The following CACHD1 variants were observed in gnomAD, a reference collection of about 807,000 sequenced individuals.
CACHD1 encodes the protein cache domain containing 1.
CACHD1 carries 71 observed loss-of-function variants against 138.7 expected under a neutral mutation model. The observed-to-expected ratio is 0.51, with a 90% CI of 0.42 to 0.62. The LOEUF (loss-of-function observed/expected upper bound fraction) is 0.62. Ranked by LOEUF, CACHD1 falls within the 20% of genes least tolerant of loss-of-function variation. The pLI is 0.00. For missense variants in CACHD1, 1,389 were observed against 1,625.3 expected, an observed-to-expected ratio of 0.85 and a Z score of 2.50; for synonymous variants, 578 against 591.5, an observed-to-expected ratio of 0.98 and a Z score of 0.33.
intron 2 of CACHD1, chr1:64,563,662 G>A (rs1370090): frequency 0.84 from 128,533 of 152,140 alleles, 55,961 homozygotes; most frequent in East Asian, 0.99. Context: ...TTAGAATTTT[G>A]GAGCTGGTAT....
intron 16 of CACHD1, among the ~76,000 whole-genome samples, chr1:64,669,635 A>T (rs148468171): frequency 2.3e-4 from 35 of 152,172 alleles, no homozygotes; most frequent in African/African-American, 8.4e-4. Context: ...TGAAAATCTC[A>T]CGGAAGTATT....
chr1:64,583,854 A>C (rs1329722384), intron 3 of CACHD1, among the ~76,000 whole-genome samples: 1 of 152,154 alleles, frequency 6.6e-6, no homozygotes, highest in East Asian at 1.9e-4. Context: ...ACAGCACAGG[A>C]AAACCCACCC....
chr1:64,548,028 A>G (rs527319556), intron 1 of CACHD1, among the ~76,000 whole-genome samples: 1 of 152,354 alleles, frequency 6.6e-6, no homozygotes, highest in South Asian at 2.1e-4. Flanking sequence ...TATGTCATAA[A>G]AAGATCTACT....
chr1:64,479,589 T>A (rs1514961), intron 1 of CACHD1, among the ~76,000 whole-genome samples: 92,879 of 152,010 alleles, frequency 0.61, 31,587 homozygotes, highest in Non-Finnish European at 0.74. Context: ...GGGGGCTGTT[T>A]CTTGGATCCT....
At position 64,470,794 on chromosome 1, in the gene CACHD1, G is replaced by A. The variant is rs760589659; in HGVS notation, c.50G>A (p.Arg17Gln). Residue 17 changes from arginine to glutamine, a missense_variant, in exon 1 of 27, where the codon CGG becomes CAG. By Grantham distance (43) the Arg-to-Gln change is conservative (BLOSUM62 1). This residue lies in a region of CACHD1 where 1,000 missense variants were observed against 1,114.7 expected (regional missense o/e 0.90). Transcript: ENST00000651257. The surrounding 1 kb of genome is among the most constrained non-coding windows in gnomAD (Gnocchi z 5.2). ...GAGACGGCCGTGGCCCGGGCGCGGC[G>A]GCCGCCCCTCTGGCTGCTCTGCCTG... ...EEETAVARAR[R>Q]PPLWLLCLVA... is the part of the protein sequence containing the mutation. 5.0e-6 allele frequency: 6 copies of A among 1,208,314 alleles called. No homozygotes were observed. The African/African-American group carries it at 6.1e-5, about 12-fold the overall frequency. 74.8% of individuals were successfully genotyped at this position (1,208,314 alleles called of 1,614,324 possible).
chr1:64,627,272 C>T (rs978310554), intron 4 of CACHD1, among the ~76,000 whole-genome samples: 1 of 151,972 alleles, frequency 6.6e-6, no homozygotes, highest in African/African-American at 2.4e-5. Flanking sequence ...CTGAGTGTGG[C>T]GGTGCCCACC....
intron 2 of CACHD1, among the ~76,000 whole-genome samples, chr1:64,565,272 C>T (rs1322744570): frequency 1.3e-5 from 2 of 151,766 alleles, no homozygotes; most frequent in African/African-American, 4.8e-5. Context: ...ACCCTCTTAC[C>T]CAGATCCACA....
intron 1 of CACHD1, among the ~76,000 whole-genome samples, chr1:64,488,787 A>T (rs1646257650): frequency 6.6e-6 from 1 of 152,246 alleles, no homozygotes; most frequent in African/African-American, 2.4e-5. Context: ...AATGATTCTC[A>T]TGTTGAAACA....
intron 1 of CACHD1, among the ~76,000 whole-genome samples, chr1:64,508,049 G>T (rs1646390548): frequency 1.3e-5 from 2 of 152,174 alleles, no homozygotes; most frequent in Admixed American, 1.3e-4. Context: ...TTAAAACCGT[G>T]GTGGAAGGTG....
At chr1:64,562,818 G>T (rs1646852530) in intron 2 of CACHD1, among the ~76,000 whole-genome samples, 1 of 152,066 alleles carries the variant, frequency 6.6e-6, no homozygotes, top group Non-Finnish European at 1.5e-5. Context: ...TATAATAGCT[G>T]CTTTAACATT....
intron 1 of CACHD1, among the ~76,000 whole-genome samples, chr1:64,508,284 C>A (rs1646392616): frequency 6.6e-6 from 1 of 152,182 alleles, no homozygotes; most frequent in African/African-American, 2.4e-5. Flanking sequence ...GGCAGGGACA[C>A]AAATCCAAAC....
At chr1:64,483,554 G>A (rs938244207) in intron 1 of CACHD1, among the ~76,000 whole-genome samples, 1 of 151,688 alleles carries the variant, frequency 6.6e-6, no homozygotes, top group African/African-American at 2.4e-5. Flanking sequence ...AGTACCAAGG[G>A]CAGGCTGGGC....
chr1:64,562,922 A>C (rs924842520), intron 2 of CACHD1, among the ~76,000 whole-genome samples: 1 of 151,974 alleles, frequency 6.6e-6, no homozygotes, highest in Non-Finnish European at 1.5e-5. Context: ...TTTTTTCTTC[A>C]TATATCAAAA....
intron 2 of CACHD1, chr1:64,579,948 G>A (rs1186981765): frequency 6.5e-6 from 1 of 152,988 alleles, no homozygotes; most frequent in Admixed American, 6.6e-5. Context: ...CAAATTTAAT[G>A]TGTGTTATGA....
At chr1:64,525,623 T>C (rs1267714941) in intron 1 of CACHD1, among the ~76,000 whole-genome samples, 1 of 152,202 alleles carries the variant, frequency 6.6e-6, no homozygotes, top group Non-Finnish European at 1.5e-5. Flanking sequence ...GGGGACTGGG[T>C]GGCATTTCAG....
intron 2 of CACHD1, among the ~76,000 whole-genome samples, chr1:64,580,751 T>A (rs184769013): frequency 2.6e-3 from 395 of 152,276 alleles, no homozygotes; most frequent in Non-Finnish European, 4.9e-3. Flanking sequence ...TTGTAGGATG[T>A]TTAGGAGAAT....
chr1:64,652,261 G>A lies in CACHD1; in HGVS notation c.1491G>A (p.Thr497=), dbSNP rs140292303. 4.2e-4 allele frequency: 672 copies of A among 1,613,568 alleles called. 6 individuals carry two copies. Among genetic ancestry groups the A allele is most frequent in the South Asian group, 3.1e-3 (283 of 91,014 alleles). Residue 497 remains threonine (T), a synonymous_variant, in exon 10 of 27, where the codon ACG becomes ACA. Transcript: ENST00000651257. ...VNLAYILEDV[T]YYQDSLASYT... is the part of the protein sequence containing the mutation. ...TGGCTTACATTCTTGAAGACGTGAC[G>A]TATTACCAAGACTCTTTGGCTTCCT... is the stretch of plus-strand genomic sequence containing the variant.
intron 2 of CACHD1, among the ~76,000 whole-genome samples, chr1:64,561,289 A>G (rs1410160195): frequency 1.3e-5 from 2 of 152,028 alleles, no homozygotes; most frequent in African/African-American, 2.4e-5. Flanking sequence ...CTCTAACGCT[A>G]TTCTTTATGC....
At chr1:64,578,073 A>T (rs1264737910) in intron 2 of CACHD1, among the ~76,000 whole-genome samples, 2 of 152,170 alleles carry the variant, frequency 1.3e-5, no homozygotes, top group African/African-American at 2.4e-5. Context: ...GCCTTGTTTG[A>T]TTATGTTAAC....
Sources: gnomAD v4.1 joint callset for allele counts (sites outside exome capture counted in the v4.1 genomes callset) on GRCh38, gnomAD v4.1.1 for gene constraint, gnomAD v4.1.1 regional missense constraint, Gnocchi (gnomAD v3.1) non-coding constraint, MANE v1.5 for transcripts, NCBI Gene and HGNC (gene_info 2026-07-23, HGNC 2026-07-21) for gene names.